KLHDC2: variants seen among roughly 807,000 people sequenced by gnomAD.
The protein encoded by KLHDC2 is kelch domain-containing protein 2.
Under a neutral mutation model 62.3 loss-of-function variants are expected in KLHDC2, and 38 were observed. That is an observed-to-expected ratio of 0.61 (90% CI 0.47 to 0.80). The LOEUF (loss-of-function observed/expected upper bound fraction) is 0.80, where lower values mean the gene tolerates loss of function less well. Among genes scored for constraint, KLHDC2 ranks in the 30% least tolerant of loss-of-function variants. The pLI, the probability that KLHDC2 is intolerant of heterozygous loss-of-function variation, is 0.00. For synonymous variants in KLHDC2, 159 were observed against 161.0 expected, an observed-to-expected ratio of 0.99 and a Z score of 0.09; for missense variants, 430 against 495.3, an observed-to-expected ratio of 0.87 and a Z score of 1.25.
intron 2 of KLHDC2, among the ~76,000 whole-genome samples, chr14:49,772,195 A>G (rs6572610): frequency 0.97 from 147,203 of 152,174 alleles, 71,401 homozygotes; most frequent in East Asian, 1. Context: ...ATAGATGTAG[A>G]GGCTTCAGAT....
At chr14:49,779,551 C>A in intron 6 of KLHDC2, 44 bp from the exon 7 acceptor site, 1 of 1,448,764 alleles carries the variant, frequency 6.9e-7, no homozygotes, top group Non-Finnish European at 9.7e-7. Flanking sequence ...GGTATTTTCC[C>A]TGTTTATAAA....
chr14:49,774,467 C>G, intron 2 of KLHDC2, 94 bp from the exon 3 acceptor site: 1 of 807,722 alleles, frequency 1.2e-6, no homozygotes, highest in Non-Finnish European at 2.2e-6. Context: ...CATTTTATTC[C>G]TTTATTGTGA....
At position 49,784,470 on chromosome 14, in the gene KLHDC2, A is replaced by G. The variant is rs922905235; in HGVS notation, c.*1517A>G. 5 of 578,120 alleles carry G rather than the reference A, an allele frequency of 8.6e-6. No individual in the cohort carries two copies. The highest frequency in any genetic ancestry group is 9.2e-6 in the Non-Finnish European group (3 of 327,404). 35.8% of individuals were successfully genotyped at this position (578,120 alleles called of 1,614,324 possible). Reference sequence around the variant, plus strand: ...CTATCATAGACAGTGTTTCCTCTATATAAAACTGGGAAAAAACAAGAAGTA... The same window carrying G: ...CTATCATAGACAGTGTTTCCTCTATGTAAAACTGGGAAAAAACAAGAAGTA... On this transcript the variant is annotated 3_prime_UTR_variant, in exon 13 of 13. Transcript: ENST00000298307.
intron 3 of KLHDC2, 172 bp downstream of exon 3, chr14:49,774,850 A>G: frequency 1.6e-6 from 1 of 628,882 alleles, no homozygotes; most frequent in Non-Finnish European, 2.8e-6. Context: ...ATCTGTATTT[A>G]CCTAGGCATT....
chr14:49,777,600 AGT>A (rs1362507195), intron 3 of KLHDC2, among the ~76,000 whole-genome samples: 2 of 151,506 alleles, frequency 1.3e-5, no homozygotes, highest in South Asian at 2.1e-4. Context: ...AAAAAAAAAA[AGT>A]GTGACTATGA....
At chr14:49,776,877 A>G (rs1889783734) in intron 3 of KLHDC2, among the ~76,000 whole-genome samples, 1 of 151,698 alleles carries the variant, frequency 6.6e-6, no homozygotes. Flanking sequence ...AGATCATGCC[A>G]CTGCACTCCA....
rs1275490169 is a variant in KLHDC2 at position 49,780,612 on chromosome 14, T to A, written c.884-91T>A. On this transcript the variant is annotated intron_variant, in intron 9 of 12. Transcript: ENST00000298307. ...AAAATATACTCTCTGTATCTGCTCA[T>A]GATCTATTACCTTTCTTGCCAAAGC... 1.6e-5 allele frequency: 14 copies of A among 896,952 alleles called. No homozygotes were observed. In the East Asian group the frequency reaches 3.4e-4, roughly 21 times the overall value. The allele number at this position is 896,952 out of a possible 1,614,324, so 55.6% of individuals were successfully genotyped here.
At chr14:49,773,452 G>A (rs1380678342) in intron 2 of KLHDC2, among the ~76,000 whole-genome samples, 4 of 150,660 alleles carry the variant, frequency 2.7e-5, no homozygotes, top group Non-Finnish European at 5.9e-5. Context: ...AGGTATGGTG[G>A]CTCACACCTG....
intron 2 of KLHDC2, among the ~76,000 whole-genome samples, chr14:49,773,175 A>C (rs940244351): frequency 1.3e-5 from 2 of 152,012 alleles, no homozygotes; most frequent in Non-Finnish European, 2.9e-5. Context: ...GCACTTTGGG[A>C]AGCCGAGGCA....
chr14:49,777,625 G>A (rs1889800164), intron 3 of KLHDC2, among the ~76,000 whole-genome samples: 1 of 151,788 alleles, frequency 6.6e-6, no homozygotes, highest in Admixed American at 6.6e-5. Context: ...AAAAAAATTA[G>A]TTGAGCTAAC....
rs775563424 is a variant in KLHDC2, at chr14:49,771,661, A to G, written c.221A>G (p.Glu74Gly). The change falls in exon 2 of 13, where the codon GAG becomes GGG. Residue 74 changes from glutamate (E) to glycine (G), a missense_variant. By Grantham distance (98) the Glu-to-Gly change is moderately conservative (BLOSUM62 -2). Transcript: ENST00000298307. ...GAAGAACTATGGATCTACAACATGG[A>G]GACTGGAAGATGGTAAATGTGGATA... ...PREELWIYNMETGRWKKINTE... is the reference protein window; with the variant it reads ...PREELWIYNMGTGRWKKINTE... The G allele has an allele frequency of 1.3e-6, 2 of 1,497,046 alleles. No homozygotes were observed. Among genetic ancestry groups the G allele is most frequent in the South Asian group, 1.1e-5 (1 of 88,592 alleles). 92.7% of individuals were successfully genotyped at this position (1,497,046 alleles called of 1,614,324 possible). A position where few individuals can be genotyped will look rare whatever the true frequency, so the allele number is the denominator to read the frequency against.
chr14:49,769,855 TCA>T (rs1220781766), intron 1 of KLHDC2, among the ~76,000 whole-genome samples: 1 of 151,502 alleles, frequency 6.6e-6, no homozygotes, highest in Non-Finnish European at 1.5e-5. Context: ...GGCAGGAGAA[TCA>T]CTTGAACCAG....
At chr14:49,779,407 T>A (rs1442204606) in intron 6 of KLHDC2, among the ~76,000 whole-genome samples, 188 bp from the exon 7 acceptor site, 1 of 152,232 alleles carries the variant, frequency 6.6e-6, no homozygotes, top group Non-Finnish European at 1.5e-5. Context: ...GTAACACATT[T>A]CAAAAATAGA....
intron 3 of KLHDC2, among the ~76,000 whole-genome samples, chr14:49,777,478 C>G (rs998960539): frequency 6.6e-6 from 1 of 151,740 alleles, no homozygotes; most frequent in Non-Finnish European, 1.5e-5. Context: ...GGCTGTAGTC[C>G]ATCTATGTGG....
intron 1 of KLHDC2, 82 bp downstream of exon 1, chr14:49,768,703 C>G (rs1889596629): frequency 9.6e-6 from 13 of 1,348,946 alleles, no homozygotes; most frequent in Admixed American, 3.2e-5. Flanking sequence ...GAGGCCAGAG[C>G]GGGCCGCCGA....
Position 49,784,678 on chromosome 14 carries a change from C to G in KLHDC2, c.*1725C>G. 1 of 1,612,842 alleles carries G rather than the reference C, an allele frequency of 6.2e-7. No homozygotes were observed. The highest frequency in any genetic ancestry group is 8.5e-7 in the Non-Finnish European group (1 of 1,179,258). On this transcript the variant is annotated 3_prime_UTR_variant, in exon 13 of 13. Transcript: ENST00000298307. ...TCAGAAGATTGGGTGCAGACACTTT[C>G]ACTTTGCCAGGAATGTTTCTTGATA...
Position 49,768,489 on chromosome 14 carries a change from T to G in KLHDC2, c.21T>G (p.Asp7Glu). Residue 7 changes from aspartate to glutamate, a missense_variant, in exon 1 of 13, where the codon GAT becomes GAG. Asp to Glu is a conservative substitution (Grantham distance 45). Coordinates refer to ENST00000298307, the MANE Select transcript of KLHDC2 (RefSeq NM_014315.3). The stretch of plus-strand genomic sequence containing the variant: ...TCAAGATGGCTGATGGCAACGAGGA[T>G]CTGCGGGCTGACGACTTGCCTGGGC... MADGNE[D>E]LRADDLPGPA... 6.2e-7 allele frequency: 1 copy of G among 1,610,134 alleles called. No individual in the cohort carries two copies. The highest frequency in any genetic ancestry group is 8.5e-7 in the Non-Finnish European group (1 of 1,178,696).
chr14:49,769,528 A>C (rs1224912198), intron 1 of KLHDC2, among the ~76,000 whole-genome samples: 1 of 152,240 alleles, frequency 6.6e-6, no homozygotes, highest in Non-Finnish European at 1.5e-5. Context: ...TTTTTGAGAT[A>C]GCTTTCAAAG....
chr14:49,775,225 C>T (rs1889745621), intron 3 of KLHDC2, among the ~76,000 whole-genome samples: 1 of 152,150 alleles, frequency 6.6e-6, no homozygotes, highest in African/African-American at 2.4e-5. Context: ...AGAAATGATA[C>T]ATATGACATA....
Sources: allele counts gnomAD v4.1 joint callset (sites outside exome capture counted in the v4.1 genomes callset), GRCh38; gene constraint gnomAD v4.1.1; transcripts MANE v1.5; gene names NCBI Gene and HGNC (gene_info 2026-07-23, HGNC 2026-07-21).